ACSS2: variants seen among roughly 807,000 people sequenced by gnomAD.
ACSS2 encodes acyl-CoA synthetase short chain family member 2, also known as acetyl-coenzyme A synthetase, cytoplasmic.
In ACSS2, 58 loss-of-function variants were observed where a neutral mutation model predicts 90.6. The ratio of observed to expected loss-of-function variants is 0.64; its 90% confidence interval spans 0.52 to 0.80. The LOEUF (loss-of-function observed/expected upper bound fraction) is 0.80, where lower values mean the gene tolerates loss of function less well. Ranked by LOEUF, ACSS2 falls within the 30% of genes least tolerant of loss-of-function variation. The pLI is 0.00. For synonymous variants in ACSS2, 300 were observed against 330.9 expected, an observed-to-expected ratio of 0.91 and a Z score of 1.01; for missense variants, 759 against 912.0, an observed-to-expected ratio of 0.83 and a Z score of 2.16.
At chr20:34,894,313 A>AC (rs1336686918) in intron 2 of ACSS2, among the ~76,000 whole-genome samples, 2 of 151,834 alleles carry the variant, frequency 1.3e-5, no homozygotes, top group South Asian at 2.1e-4. Flanking sequence ...ACACAGGTAG[A>AC]CCCCATCTCT....
intron 2 of ACSS2, among the ~76,000 whole-genome samples, chr20:34,889,921 C>T (rs375751497): frequency 5.3e-4 from 80 of 152,090 alleles, no homozygotes; most frequent in African/African-American, 1.4e-3. Context: ...CAGCGGAAGT[C>T]GCAGCAGAGG....
chr20:34,924,858 C>G (rs944493381), intron 14 of ACSS2, among the ~76,000 whole-genome samples: 2 of 151,948 alleles, frequency 1.3e-5, no homozygotes, highest in Non-Finnish European at 2.9e-5. Flanking sequence ...TGCCACCATG[C>G]CTGGCTAATT....
At chr20:34,882,427 G>C (rs1313935610) in intron 1 of ACSS2, among the ~76,000 whole-genome samples, 1 of 152,104 alleles carries the variant, frequency 6.6e-6, no homozygotes, top group Non-Finnish European at 1.5e-5. Context: ...TTCGAGACCA[G>C]CCTGGCCAAC....
chr20:34,926,947 C>T lies in ACSS2; in HGVS notation c.1974C>T (p.Arg658=), dbSNP rs2081333145. 4 of 1,614,176 alleles carry T rather than the reference C, an allele frequency of 2.5e-6. No homozygotes were observed. The highest frequency in any genetic ancestry group is 3.4e-6 in the Non-Finnish European group (4 of 1,180,036). Residue 658 remains arginine (R), a synonymous_variant, in exon 17 of 18, where the codon CGC becomes CGT. Transcript: ENST00000360596. ...ATGCACCTGGCTTGCCTAAAACCCG[C>T]TCAGGTATGTTCAGAGGCCTCCATG... ...IQNAPGLPKT[R]SGKIMRRVLR... is the part of the protein sequence containing the mutation.
At chr20:34,894,614 G>A (rs1165828242) in intron 2 of ACSS2, among the ~76,000 whole-genome samples, 1 of 151,966 alleles carries the variant, frequency 6.6e-6, no homozygotes, top group Non-Finnish European at 1.5e-5. Context: ...GCAGTGAGCG[G>A]TGATCGTGCT....
intron 2 of ACSS2, among the ~76,000 whole-genome samples, chr20:34,889,649 A>G (rs543534955): frequency 2.4e-4 from 36 of 152,332 alleles, no homozygotes; most frequent in African/African-American, 8.2e-4. Context: ...AGAAGGGGAA[A>G]AGTAGAAGCA....
Position 34,925,837 on chromosome 20 carries a change from G to C in ACSS2, c.1726+71G>C, listed in dbSNP as rs551605049. 56 of 1,537,622 alleles carry C rather than the reference G, an allele frequency of 3.6e-5. No individual in the cohort carries two copies. The African/African-American group carries it at 6.3e-4, about 17-fold the overall frequency. ...TGACAACACCCAGCCGAAGCCTTCC[G>C]CAAGAGCCCAGGAGTGTCCTTTGGC... is the stretch of plus-strand genomic sequence containing the variant. On this transcript the variant is annotated intron_variant, in intron 15 of 17. Transcript: ENST00000360596.
At chr20:34,881,284 G>A (rs1012042626) in intron 1 of ACSS2, among the ~76,000 whole-genome samples, 2 of 150,746 alleles carry the variant, frequency 1.3e-5, no homozygotes, top group South Asian at 4.2e-4. Flanking sequence ...TGATCCGCCC[G>A]CCTTGGCCTC....
At chr20:34,916,914 C>A (rs1474570606) in intron 7 of ACSS2, among the ~76,000 whole-genome samples, 1 of 152,198 alleles carries the variant, frequency 6.6e-6, no homozygotes, top group Non-Finnish European at 1.5e-5. Context: ...CTCCTCAATT[C>A]TTATTTTAGA....
rs750647430 is a variant in ACSS2 at position 34,921,531 on chromosome 20, C to G, written c.1411-13C>G. 27 of 1,614,090 alleles carry G rather than the reference C, an allele frequency of 1.7e-5. No individual in the cohort carries two copies. The highest frequency in any genetic ancestry group is 2.1e-5 in the Non-Finnish European group (25 of 1,180,040). On this transcript the variant is annotated splice_polypyrimidine_tract_variant and intron_variant, in intron 11 of 17. Coordinates refer to ENST00000360596, the MANE Select transcript of ACSS2 (RefSeq NM_018677.4). ...GAAGATTGACTCAAATTTCTCATCT[C>G]TGACTTCCCCAGGGTGGCCACATGT...
At chr20:34,890,065 T>C (rs1395616953) in intron 2 of ACSS2, among the ~76,000 whole-genome samples, 1 of 152,200 alleles carries the variant, frequency 6.6e-6, no homozygotes, top group Non-Finnish European at 1.5e-5. Flanking sequence ...AGTGATTTGA[T>C]AATTTTACAG....
intron 2 of ACSS2, among the ~76,000 whole-genome samples, chr20:34,883,583 T>C (rs966345720): frequency 6.6e-6 from 1 of 152,254 alleles, no homozygotes; most frequent in African/African-American, 2.4e-5. Context: ...CACTCTATTA[T>C]TCCTCTAATT....
chr20:34,892,209 T>C (rs2146998190), intron 2 of ACSS2, among the ~76,000 whole-genome samples: 1 of 152,304 alleles, frequency 6.6e-6, no homozygotes, highest in South Asian at 2.1e-4. Flanking sequence ...CCTTTGAAGA[T>C]ACTAGGTGGT....
At chr20:34,888,313 G>A (rs1172138967) in intron 2 of ACSS2, among the ~76,000 whole-genome samples, 4 of 151,976 alleles carry the variant, frequency 2.6e-5, no homozygotes, top group South Asian at 2.1e-4. Context: ...ACTGTTAAAC[G>A]TGGATAAAAA....
chr20:34,886,524 T>C (rs556116623), intron 2 of ACSS2, among the ~76,000 whole-genome samples: 37 of 152,198 alleles, frequency 2.4e-4, no homozygotes, highest in African/African-American at 8.2e-4. Context: ...CTTGGGAGGC[T>C]GAGGCAGAAG....
chr20:34,924,271 C>T (rs1252801545), intron 14 of ACSS2, among the ~76,000 whole-genome samples: 1 of 152,216 alleles, frequency 6.6e-6, no homozygotes, highest in Non-Finnish European at 1.5e-5. Flanking sequence ...AATCTCCTCC[C>T]TCATGGGGAT....
chr20:34,911,274 G>A (rs2080950963), intron 2 of ACSS2, among the ~76,000 whole-genome samples: 2 of 148,492 alleles, frequency 1.3e-5, no homozygotes, highest in Non-Finnish European at 1.5e-5. Flanking sequence ...TGCAACTTCC[G>A]CCTCCCAGAT....
At chr20:34,884,707 T>C (rs2080147401) in intron 2 of ACSS2, among the ~76,000 whole-genome samples, 1 of 152,236 alleles carries the variant, frequency 6.6e-6, no homozygotes, top group Non-Finnish European at 1.5e-5. Flanking sequence ...ATGCTTGAGC[T>C]CCAGCCAACA....
intron 2 of ACSS2, among the ~76,000 whole-genome samples, chr20:34,907,426 TAG>T (rs2080836090): frequency 6.6e-6 from 1 of 152,216 alleles, no homozygotes; most frequent in South Asian, 2.1e-4. Context: ...AATGATTTGA[TAG>T]AGAGTTTCTG....
Sources: allele counts gnomAD v4.1 joint callset (sites outside exome capture counted in the v4.1 genomes callset), GRCh38; gene constraint gnomAD v4.1.1; transcripts MANE v1.5; gene names NCBI Gene and HGNC (gene_info 2026-07-23, HGNC 2026-07-21).